The following RARB variants were observed in gnomAD, a reference collection of about 807,000 sequenced individuals.
RARB encodes HBV-activated protein.
A neutral mutation model predicts 51.9 loss-of-function variants in RARB; 17 were observed. The observed-to-expected ratio is 0.33, with a 90% confidence interval of 0.22 to 0.49. The LOEUF is 0.49. Ranked by LOEUF, RARB falls within the 20% of genes least tolerant of loss-of-function variation. The pLI is 0.99. For synonymous variants in RARB, 215 were observed against 195.4 expected (o/e 1.10, Z -0.84); for missense variants, 369 against 550.8 (o/e 0.67, Z 3.30).
intron 2 of RARB, among the ~76,000 whole-genome samples, chr3:24,859,575 T>A (rs1384579891): frequency 6.6e-6 from 1 of 152,228 alleles, no homozygotes; most frequent in Non-Finnish European, 1.5e-5. Context: ...TTAGTATGTT[T>A]CACAAAATCC....
chr3:25,027,005 G>A (rs1224526671), intron 2 of RARB, among the ~76,000 whole-genome samples: 1 of 151,886 alleles, frequency 6.6e-6, no homozygotes, highest in Admixed American at 6.6e-5. Flanking sequence ...AATAATAGCT[G>A]TCTTTAAAAG....
intron 1 of RARB, among the ~76,000 whole-genome samples, chr3:24,854,113 G>C (rs990102878): frequency 6.6e-6 from 1 of 152,054 alleles, no homozygotes; most frequent in African/African-American, 2.4e-5. Context: ...ACTTGCATTT[G>C]ACAGTTTGTT....
At chr3:24,943,322 T>C (rs913628948) in intron 2 of RARB, among the ~76,000 whole-genome samples, 3 of 152,154 alleles carry the variant, frequency 2.0e-5, no homozygotes, top group African/African-American at 7.2e-5. Flanking sequence ...AGCAGCCAAA[T>C]CTTTTGGGGG....
chr3:25,066,264 T>C (rs1210670315), intron 3 of RARB, among the ~76,000 whole-genome samples: 1 of 152,242 alleles, frequency 6.6e-6, no homozygotes, highest in East Asian at 1.9e-4. Flanking sequence ...GTTGTTTATT[T>C]TGATGACTTG....
chr3:25,354,881 T>G (rs1438332002), intron 5 of RARB, among the ~76,000 whole-genome samples: 1 of 4,068 alleles, frequency 2.5e-4, no homozygotes, highest in Admixed American at 3.9e-3. Flanking sequence ...GTTTGCAAAG[T>G]CTTTTTTTTT....
intron 4 of RARB, among the ~76,000 whole-genome samples, chr3:25,147,284 C>T (rs1348946966): frequency 6.6e-6 from 1 of 152,146 alleles, no homozygotes; most frequent in Non-Finnish European, 1.5e-5. Context: ...TGAAATATGA[C>T]TTGTTCTACC....
chr3:25,258,851 AT>A (rs1278710053), intron 5 of RARB, among the ~76,000 whole-genome samples: 3 of 152,108 alleles, frequency 2.0e-5, no homozygotes, highest in Non-Finnish European at 2.9e-5. Flanking sequence ...GCAATAATTA[AT>A]TCAGTCTTAA....
At chr3:25,388,545 G>C (rs1706859182) in intron 5 of RARB, among the ~76,000 whole-genome samples, 1 of 152,158 alleles carries the variant, frequency 6.6e-6, no homozygotes, top group Admixed American at 6.5e-5. Flanking sequence ...TTGAAAAACT[G>C]TTTTCAACAT....
intron 5 of RARB, among the ~76,000 whole-genome samples, chr3:25,376,613 T>C (rs1706468675): frequency 6.6e-6 from 1 of 152,224 alleles, no homozygotes; most frequent in Non-Finnish European, 1.5e-5. Flanking sequence ...CAACTCCCTA[T>C]CACCTTGACA....
intron 4 of RARB, among the ~76,000 whole-genome samples, chr3:25,577,653 G>A (rs1299985707): frequency 6.6e-6 from 1 of 152,204 alleles, no homozygotes; most frequent in Non-Finnish European, 1.5e-5. Context: ...GCCTCCAGTG[G>A]GATTTAAAGA....
At chr3:24,973,396 A>C (rs1696443421) in intron 2 of RARB, among the ~76,000 whole-genome samples, 1 of 152,086 alleles carries the variant, frequency 6.6e-6, no homozygotes, top group Admixed American at 6.6e-5. Context: ...GAAGTACAAT[A>C]GTATAATGCC....
chr3:25,118,716 G>A (rs1317053797), intron 3 of RARB, among the ~76,000 whole-genome samples: 2 of 152,060 alleles, frequency 1.3e-5, no homozygotes, highest in African/African-American at 2.4e-5. Context: ...AATGAGATAT[G>A]TCTTGGTGGA....
At chr3:25,367,305 CTT>C (rs1706152297) in intron 5 of RARB, among the ~76,000 whole-genome samples, 1 of 152,164 alleles carries the variant, frequency 6.6e-6, no homozygotes, top group South Asian at 2.1e-4. Context: ...ATCAGTCACA[CTT>C]TGACAGGAGA....
intron 2 of RARB, among the ~76,000 whole-genome samples, chr3:24,965,412 G>A (rs62230582): frequency 0.4 from 61,314 of 151,894 alleles, 13,124 homozygotes; most frequent in Admixed American, 0.55. Context: ...GAAAAAGTAG[G>A]TAGGCTTTGT....
intron 2 of RARB, among the ~76,000 whole-genome samples, chr3:24,997,143 T>C (rs555276409): frequency 2.9e-5 from 2 of 69,428 alleles, no homozygotes; most frequent in Admixed American, 1.7e-4. Context: ...GGCTCCAGCA[T>C]TGGGTGCATA....
intron 2 of RARB, among the ~76,000 whole-genome samples, chr3:24,878,868 A>G (rs1356707028): frequency 6.6e-6 from 1 of 152,156 alleles, no homozygotes; most frequent in Non-Finnish European, 1.5e-5. Flanking sequence ...CTGCCTATAG[A>G]TAAAGACTTG....
rs182403219 is a variant in RARB at position 25,140,853 on chromosome 3, C to A, written c.-280+8645C>A. Among the ~76,000 whole-genome samples, 219 of 152,132 alleles carry A rather than the reference C, an allele frequency of 1.4e-3. 5 individuals are homozygous for A. The highest frequency in any genetic ancestry group is 0.012 in the Admixed American group (187 of 15,284). ...ATCACTCATCCACATTGAGGCAAGACCTCCACCAACAAAAAGGTTATGACT... is the reference window on the plus strand; with the variant it reads ...ATCACTCATCCACATTGAGGCAAGAACTCCACCAACAAAAAGGTTATGACT... On this transcript the variant is annotated intron_variant, in intron 4 of 11. Coordinates refer to the RARB transcript ENST00000383772.
At chr3:25,012,480 C>G (rs79353762) in intron 2 of RARB, among the ~76,000 whole-genome samples, 3,216 of 152,168 alleles carry the variant, frequency 0.021, 105 homozygotes, top group African/African-American at 0.074. Context: ...ACTAGAAGCT[C>G]TGTGTTCCTC....
At chr3:25,352,894 T>C (rs1705619335) in intron 5 of RARB, among the ~76,000 whole-genome samples, 1 of 152,190 alleles carries the variant, frequency 6.6e-6, no homozygotes, top group Admixed American at 6.6e-5. Context: ...TGGACTGTCC[T>C]TGGACATTCA....
Sources: allele counts gnomAD v4.1 joint callset (sites outside exome capture counted in the v4.1 genomes callset), GRCh38; gene constraint gnomAD v4.1.1; transcripts MANE v1.5; gene names NCBI Gene and HGNC (gene_info 2026-07-23, HGNC 2026-07-21).